AMBP: variants seen among roughly 807,000 people sequenced by gnomAD.
AMBP encodes the protein protein AMBP.
In AMBP, 37 loss-of-function variants were observed where a neutral mutation model predicts 46.3. The observed-to-expected ratio is 0.80, with a 90% confidence interval of 0.61 to 1.05. The LOEUF (loss-of-function observed/expected upper bound fraction) is 1.05. Among genes scored for constraint, AMBP ranks in the 50% least tolerant of loss-of-function variants. The pLI is 0.00. For missense variants in AMBP, 475 were observed against 461.2 expected, an observed-to-expected ratio of 1.03 and a Z score of -0.27; for synonymous variants, 174 against 175.9, an observed-to-expected ratio of 0.99 and a Z score of 0.09.
At chr9:114,072,576 C>A (rs1846756161) in intron 5 of AMBP, among the ~76,000 whole-genome samples, 1 of 152,198 alleles carries the variant, frequency 6.6e-6, no homozygotes, top group African/African-American at 2.4e-5. Flanking sequence ...AGGTTTCCAG[C>A]CAGAAAAGCA....
At chr9:114,063,678 A>G (rs1846664050) in intron 6 of AMBP, among the ~76,000 whole-genome samples, 1 of 152,294 alleles carries the variant, frequency 6.6e-6, no homozygotes, top group African/African-American at 2.4e-5. Context: ...CCTTCCCTGA[A>G]ATTCAAGATG....
At chr9:114,077,532 C>T (rs1172535955) in intron 1 of AMBP, 1 of 155,232 alleles carries the variant, frequency 6.4e-6, no homozygotes, top group African/African-American at 2.4e-5. Context: ...GTCCAGGTCT[C>T]TCCTTGTGCC....
chr9:114,069,852 G>T, intron 5 of AMBP, 107 bp from the exon 6 acceptor site: 1 of 1,179,904 alleles, frequency 8.5e-7, no homozygotes, highest in Non-Finnish European at 1.3e-6. Flanking sequence ...AACTTGTCGT[G>T]CCTTAGTCCA....
intron 5 of AMBP, among the ~76,000 whole-genome samples, chr9:114,072,285 T>C (rs139977055): frequency 8.5e-5 from 13 of 152,292 alleles, no homozygotes; most frequent in African/African-American, 2.6e-4. Flanking sequence ...GGAAATCTGC[T>C]TGTGGTGCAC....
intron 5 of AMBP, among the ~76,000 whole-genome samples, chr9:114,070,559 G>C (rs1376053643): frequency 6.6e-6 from 1 of 152,244 alleles, no homozygotes; most frequent in Non-Finnish European, 1.5e-5. Flanking sequence ...CTGCCAGCAG[G>C]GGAGCAATAC....
chr9:114,071,338 T>A (rs1441251260), intron 5 of AMBP, among the ~76,000 whole-genome samples: 2 of 152,244 alleles, frequency 1.3e-5, no homozygotes, highest in African/African-American at 4.8e-5. Flanking sequence ...TGTTGCAGCC[T>A]GGACAGGTAT....
In AMBP at chr9:114,061,449, C is replaced by CTGTGACGACAGG; in HGVS notation, c.827_828insCCTGTCGTCACA (p.Glu276delinsAspLeuSerSerGln). ...CCACAGTTCGGCAGGTCTGCAGACA[C>CTGTGACGACAGG]TCCTTTTCTGTGACGAAGTTGTTAC... On this transcript the variant is annotated protein_altering_variant, in exon 8 of 10. Transcript: ENST00000265132. The CTGTGACGACAGG allele has an allele frequency of 4.3e-6, 7 of 1,614,138 alleles. No homozygotes were observed. Among genetic ancestry groups the CTGTGACGACAGG allele is most frequent in the Non-Finnish European group, 5.9e-6 (7 of 1,180,032 alleles).
chr9:114,070,224 G>A (rs962364592), intron 5 of AMBP, among the ~76,000 whole-genome samples: 3 of 152,306 alleles, frequency 2.0e-5, no homozygotes, highest in African/African-American at 7.2e-5. Flanking sequence ...GAGTGGCCGC[G>A]GCCATCACAC....
intron 5 of AMBP, among the ~76,000 whole-genome samples, chr9:114,071,842 A>C (rs1458958487): frequency 6.6e-6 from 1 of 152,220 alleles, no homozygotes; most frequent in Non-Finnish European, 1.5e-5. Context: ...CAGCCTCAGC[A>C]GATGACCTGC....
At position 114,060,194 on chromosome 9, in the gene AMBP, C is replaced by T. The variant is rs999384428; in HGVS notation, c.*45G>A. On this transcript the variant is annotated 3_prime_UTR_variant, in exon 10 of 10. Coordinates refer to ENST00000265132, the MANE Select transcript of AMBP (RefSeq NM_001633.4). ...CTTGGCGCTGCCTGCCACAGGACCC[C>T]GGGACAGACACTGGCCATCCTCTGA... 1.6e-5 allele frequency: 25 copies of T among 1,598,206 alleles called. No homozygotes were observed. The highest frequency in any genetic ancestry group is 1.7e-4 in the Middle Eastern group (1 of 5,784).
chr9:114,071,168 C>T (rs1197588852), intron 5 of AMBP, among the ~76,000 whole-genome samples: 1 of 152,236 alleles, frequency 6.6e-6, no homozygotes, highest in Admixed American at 6.5e-5. Flanking sequence ...GCAGCAGCCG[C>T]CCTGCTGTGG....
At chr9:114,060,887 C>T (rs750387832) in intron 9 of AMBP, 38 bp downstream of exon 9, 4 of 1,593,172 alleles carry the variant, frequency 2.5e-6, no homozygotes, top group Non-Finnish European at 3.4e-6. Flanking sequence ...ACTCCAACAG[C>T]CCCTCGGCCC....
rs777973947 is a variant in AMBP at position 114,069,745 on chromosome 9, C to T, written c.557G>A (p.Gly186Asp). The T allele has an allele frequency of 5.6e-6, 9 of 1,614,014 alleles. No individual in the cohort carries two copies. Among genetic ancestry groups the T allele is most frequent in the Non-Finnish European group, 6.8e-6 (8 of 1,180,030 alleles). ...EDSIFTMADR[G>D]ECVPGEQEPE... ...TTCCTGCTCCCCAGGGACACATTCA[C>T]CTAGGTCACAGAGCAGGAGAGAGGA... is the stretch of plus-strand genomic sequence containing the variant. Residue 186 changes from glycine to aspartate, a missense_variant and splice_region_variant, in exon 6 of 10, where the codon GGT (glycine) becomes GAT (aspartate). Gly to Asp is a moderately conservative substitution (Grantham distance 94). This residue lies in a region of AMBP where 293 missense variants were observed against 276.9 expected (regional missense o/e 1.06). Coordinates refer to ENST00000265132, the MANE Select transcript of AMBP (RefSeq NM_001633.4).
At chr9:114,060,854 C>CCTCCCAGGGCT (rs1185111029) in intron 9 of AMBP, 71 bp downstream of exon 9, 1 of 1,523,666 alleles carries the variant, frequency 6.6e-7, no homozygotes, top group East Asian at 2.3e-5. Flanking sequence ...GACCCCTACT[C>CCTCCCAGGGCT]CTCCCAGGGC....
chr9:114,074,020 A>G lies in AMBP; in HGVS notation c.454+16T>C. The G allele has an allele frequency of 1.9e-6, 3 of 1,601,368 alleles. No individual in the cohort carries two copies. Among genetic ancestry groups the G allele is most frequent in the Non-Finnish European group, 2.6e-6 (3 of 1,168,394 alleles). On this transcript the variant is annotated intron_variant, in intron 4 of 9. Transcript: ENST00000265132. ...ACCCTTAACTCCAATGGGCACATCT[A>G]GTAATGAGCCTTTACCGTAGAGCTT...
At chr9:114,060,474 C>T (rs183718814) in intron 9 of AMBP, among the ~76,000 whole-genome samples, 4 of 152,302 alleles carry the variant, frequency 2.6e-5, no homozygotes, top group Non-Finnish European at 4.4e-5. Flanking sequence ...GCACAGACAT[C>T]TTCAATGGTT....
chr9:114,074,202 TTCTAGCTGGAGG>T, intron 3 of AMBP, 50 bp from the exon 4 acceptor site: 5 of 1,488,404 alleles, frequency 3.4e-6, no homozygotes, highest in Non-Finnish European at 3.8e-6. Flanking sequence ...CAGTAGACTC[TTCTAGCTGGAGG>T]TCCGTCACCT....
At chr9:114,073,515 T>TTTTTTTA (rs1846768325) in intron 4 of AMBP, among the ~76,000 whole-genome samples, 3 of 139,224 alleles carry the variant, frequency 2.2e-5, no homozygotes, top group Admixed American at 7.1e-5. Flanking sequence ...TTTTTTTTTT[T>TTTTTTTA]GAGACAGGGT....
intron 7 of AMBP, 26 bp downstream of exon 7, chr9:114,062,651 G>A: frequency 6.2e-7 from 1 of 1,610,354 alleles, no homozygotes. Context: ...TATGGCAGAG[G>A]GGGTGAAAAG....
Sources: gnomAD v4.1 joint callset for allele counts (sites outside exome capture counted in the v4.1 genomes callset) on GRCh38, gnomAD v4.1.1 for gene constraint, gnomAD v4.1.1 regional missense constraint, MANE v1.5 for transcripts, NCBI Gene and HGNC (gene_info 2026-07-23, HGNC 2026-07-21) for gene names.